CTNNA2: variants seen among roughly 807,000 people sequenced by gnomAD.
The protein encoded by CTNNA2 is catenin alpha-2.
A neutral mutation model predicts 101.0 loss-of-function variants in CTNNA2; 42 were observed. The ratio of observed to expected loss-of-function variants is 0.42; its 90% confidence interval spans 0.32 to 0.54. The LOEUF (loss-of-function observed/expected upper bound fraction) is 0.54. CTNNA2 is among the 20% of genes least tolerant of loss of function. The pLI, the probability that CTNNA2 is intolerant of heterozygous loss-of-function variation, is 0.14. For missense variants in CTNNA2, 871 were observed against 1,223.1 expected (o/e 0.71, Z 4.29); for synonymous variants, 450 against 456.4 (o/e 0.99, Z 0.18).
At chr2:80,627,185 GT>G in intron 18 of CTNNA2, among the ~76,000 whole-genome samples, 1 of 152,194 alleles carries the variant, frequency 6.6e-6, no homozygotes, top group African/African-American at 2.4e-5. Flanking sequence ...ACGTGTGTGT[GT>G]GTGTCTTTAT....
intron 7 of CTNNA2, among the ~76,000 whole-genome samples, chr2:79,971,409 G>A (rs1164650230): frequency 6.6e-6 from 1 of 151,888 alleles, no homozygotes; most frequent in Non-Finnish European, 1.5e-5. Flanking sequence ...GTTTTTCTCT[G>A]AGGCGGGTCT....
At chr2:80,431,301 T>C (rs11896689) in intron 9 of CTNNA2, among the ~76,000 whole-genome samples, 2,545 of 152,288 alleles carry the variant, frequency 0.017, 52 homozygotes, top group African/African-American at 0.057. Flanking sequence ...ACAGACAACA[T>C]TGGGTCCTTT....
intron 8 of CTNNA2, among the ~76,000 whole-genome samples, chr2:80,417,149 T>G (rs1383041543): frequency 6.6e-6 from 1 of 151,798 alleles, no homozygotes; most frequent in East Asian, 1.9e-4. Context: ...AAATTTTTAA[T>G]TTTTCATTAA....
At chr2:79,331,289 G>A (rs574563702) in intron 3 of CTNNA2, among the ~76,000 whole-genome samples, 90 of 152,190 alleles carry the variant, frequency 5.9e-4, no homozygotes, top group Non-Finnish European at 1.1e-3. Flanking sequence ...CCCTTCTCTT[G>A]TGGAGTCCTC....
intron 3 of CTNNA2, among the ~76,000 whole-genome samples, chr2:79,839,728 T>C (rs1679662018): frequency 6.6e-6 from 1 of 152,128 alleles, no homozygotes; most frequent in South Asian, 2.1e-4. Context: ...ATTTCTATTA[T>C]TTCTAAAGAA....
intron 6 of CTNNA2, among the ~76,000 whole-genome samples, chr2:79,902,942 A>C (rs1179273344): frequency 6.6e-6 from 1 of 152,164 alleles, no homozygotes; most frequent in South Asian, 2.1e-4. Flanking sequence ...GTTTTCTTGA[A>C]GGGCCAAGAG....
chr2:80,489,451 A>G (rs1686861817), intron 9 of CTNNA2, among the ~76,000 whole-genome samples: 1 of 152,190 alleles, frequency 6.6e-6, no homozygotes, highest in Non-Finnish European at 1.5e-5. Flanking sequence ...CACTGCTGAT[A>G]ATGTATTCTA....
intron 15 of CTNNA2, among the ~76,000 whole-genome samples, chr2:80,590,256 C>T (rs1696352599): frequency 6.6e-6 from 1 of 152,142 alleles, no homozygotes; most frequent in Admixed American, 6.5e-5. Context: ...GTAGGAACCT[C>T]CCTGAATTTT....
Position 79,948,767 on chromosome 2 carries a change from C to G in CTNNA2, c.1056+38970C>G, listed in dbSNP as rs567456222. The stretch of plus-strand genomic sequence containing the variant: ...GCGGATCACGAGGCCAGGAGATGGA[C>G]ACCATCCTGGCTAACACGGGGAAAC... On this transcript the variant is annotated intron_variant, in intron 7 of 18. Transcript: ENST00000402739. Among the ~76,000 whole-genome samples the G allele has an allele frequency of 2.6e-5, 4 of 152,138 alleles. No homozygotes were observed. In the South Asian group the frequency reaches 6.2e-4, roughly 24 times the overall value.
intron 3 of CTNNA2, among the ~76,000 whole-genome samples, chr2:79,825,866 A>T (rs1052975980): frequency 1.3e-5 from 2 of 152,194 alleles, no homozygotes; most frequent in Non-Finnish European, 2.9e-5. Flanking sequence ...ATTACCTTGG[A>T]TAAATGAGGA....
In CTNNA2 at chr2:79,631,051, G is replaced by T. The variant is rs537728358; in HGVS notation, c.-5-20501G>T. 2.6e-5 allele frequency among the ~76,000 whole-genome samples: 4 copies of T among 151,974 alleles called. 1 individual carries two copies. The South Asian group carries it at 8.3e-4, about 32-fold the overall frequency. Reference sequence around the variant, plus strand: ...TTGATCACAGGATCCTGTTTTATGTGCCCCCTGGCAGATTTTTTTTTTTCT... The same window carrying T: ...TTGATCACAGGATCCTGTTTTATGTTCCCCCTGGCAGATTTTTTTTTTTCT... On this transcript the variant is annotated intron_variant, in intron 1 of 18. Transcript: ENST00000402739.
intron 3 of CTNNA2, among the ~76,000 whole-genome samples, chr2:79,776,194 A>T (rs746940356): frequency 6.6e-6 from 1 of 152,180 alleles, no homozygotes; most frequent in Non-Finnish European, 1.5e-5. Context: ...AACTTTGAAC[A>T]CGGCTTTTGT....
At chr2:79,438,146 C>T (rs1678737381) in intron 4 of CTNNA2, among the ~76,000 whole-genome samples, 1 of 152,106 alleles carries the variant, frequency 6.6e-6, no homozygotes, top group South Asian at 2.1e-4. Context: ...TGCATGGAGA[C>T]GCGGAGGCAG....
chr2:80,380,486 G>A (rs1424551202), intron 7 of CTNNA2, among the ~76,000 whole-genome samples: 2 of 152,156 alleles, frequency 1.3e-5, no homozygotes, highest in Admixed American at 6.5e-5. Flanking sequence ...CTCCCAAGAA[G>A]TTCTCCCAGT....
chr2:80,006,359 T>TAAAAAA, intron 7 of CTNNA2, among the ~76,000 whole-genome samples: 1 of 139,046 alleles, frequency 7.2e-6, no homozygotes, highest in Non-Finnish European at 1.5e-5. Flanking sequence ...AGAAGTGCAG[T>TAAAAAA]AAAAAAAAAA....
At chr2:80,607,463 G>A (rs140875518) in intron 16 of CTNNA2, among the ~76,000 whole-genome samples, 19 of 151,906 alleles carry the variant, frequency 1.3e-4, no homozygotes, top group African/African-American at 4.6e-4. Context: ...CGCCTACTTC[G>A]GTCATAATGA....
intron 7 of CTNNA2, among the ~76,000 whole-genome samples, chr2:80,117,175 G>T (rs1241152592): frequency 6.6e-6 from 1 of 152,014 alleles, no homozygotes; most frequent in Non-Finnish European, 1.5e-5. Flanking sequence ...CTTTATGTTG[G>T]ACCTTTAGGC....
chr2:79,862,577 A>G (rs986096320), intron 4 of CTNNA2, among the ~76,000 whole-genome samples: 1 of 152,204 alleles, frequency 6.6e-6, no homozygotes, highest in Non-Finnish European at 1.5e-5. Flanking sequence ...CATAGCTATC[A>G]CAGTATTACC....
intron 2 of CTNNA2, among the ~76,000 whole-genome samples, chr2:79,679,561 C>T (rs1683416876): frequency 1.3e-5 from 2 of 152,134 alleles, no homozygotes; most frequent in South Asian, 4.2e-4. Context: ...TAAACCGCCC[C>T]ATGCTGGAGC....
Sources: allele counts gnomAD v4.1 joint callset (sites outside exome capture counted in the v4.1 genomes callset), GRCh38; gene constraint gnomAD v4.1.1; transcripts MANE v1.5; gene names NCBI Gene and HGNC (gene_info 2026-07-23, HGNC 2026-07-21).